COL22A1: variants seen among roughly 807,000 people sequenced by gnomAD.
COL22A1 encodes the protein collagen type XXII alpha 1 chain.
COL22A1 carries 221 observed loss-of-function variants against 248.9 expected under a neutral mutation model. The observed-to-expected ratio is 0.89, with a 90% CI of 0.80 to 0.99. The LOEUF (loss-of-function observed/expected upper bound fraction) is 0.99. Ranked by LOEUF, COL22A1 falls within the 50% of genes least tolerant of loss-of-function variation. The pLI is 0.00. For synonymous variants in COL22A1, 891 were observed against 793.4 expected (o/e 1.12, Z -2.07); for missense variants, 2,240 against 2,179.0 (o/e 1.03, Z -0.56).
chr8:138,634,976 C>T (rs747685462), intron 49 of COL22A1, 34 bp downstream of exon 49: 12 of 1,448,650 alleles, frequency 8.3e-6, no homozygotes, highest in Non-Finnish European at 1.2e-5. Context: ...AATGTCAAGG[C>T]CGAAAGAGGA....
At chr8:138,792,276 C>T (rs1454505817) in intron 12 of COL22A1, among the ~76,000 whole-genome samples, 1 of 152,198 alleles carries the variant, frequency 6.6e-6, no homozygotes, top group Non-Finnish European at 1.5e-5. Context: ...GCCACCACCA[C>T]CAATATCCCA....
intron 61 of COL22A1, among the ~76,000 whole-genome samples, chr8:138,597,253 G>C (rs752494359): frequency 6.6e-6 from 1 of 152,078 alleles, no homozygotes; most frequent in Non-Finnish European, 1.5e-5. Context: ...TTTCCTTCCT[G>C]CTGAAGCCAC....
At chr8:138,659,325 T>G (rs986509422) in intron 44 of COL22A1, among the ~76,000 whole-genome samples, 3 of 152,110 alleles carry the variant, frequency 2.0e-5, no homozygotes, top group African/African-American at 7.2e-5. Context: ...AGATAAGGGA[T>G]GGGGGGTCAT....
chr8:138,704,240 C>T (rs1828216534), intron 30 of COL22A1, among the ~76,000 whole-genome samples: 1 of 152,226 alleles, frequency 6.6e-6, no homozygotes, highest in African/African-American at 2.4e-5. Flanking sequence ...CTTCTGAAGA[C>T]TTAAATGTCC....
intron 29 of COL22A1, among the ~76,000 whole-genome samples, chr8:138,715,988 G>A (rs1292028218): frequency 1.3e-5 from 2 of 152,136 alleles, no homozygotes; most frequent in Non-Finnish European, 2.9e-5. Flanking sequence ...AGCCCCATCT[G>A]CCTCCTCTGA....
intron 4 of COL22A1, among the ~76,000 whole-genome samples, chr8:138,843,165 G>A (rs1376518323): frequency 6.6e-6 from 1 of 152,178 alleles, no homozygotes; most frequent in Non-Finnish European, 1.5e-5. Flanking sequence ...AGGCAGAGCA[G>A]CCTTCCACCA....
chr8:138,597,138 CTG>C (rs1817610060), intron 61 of COL22A1, among the ~76,000 whole-genome samples, 168 bp from the exon 62 acceptor site: 1 of 152,194 alleles, frequency 6.6e-6, no homozygotes, highest in African/African-American at 2.4e-5. Flanking sequence ...CCTCTCTTCT[CTG>C]TTATGCAGGC....
At chr8:138,839,396 G>A (rs1338954033) in intron 4 of COL22A1, among the ~76,000 whole-genome samples, 6 of 152,132 alleles carry the variant, frequency 3.9e-5, no homozygotes, top group Non-Finnish European at 7.3e-5. Context: ...TCTTTCTTCA[G>A]GCAATGAGGA....
chr8:138,771,072 G>A (rs557067328), intron 16 of COL22A1, among the ~76,000 whole-genome samples: 1 of 152,218 alleles, frequency 6.6e-6, no homozygotes, highest in African/African-American at 2.4e-5. Context: ...TGCTCGCAGA[G>A]CCCCGAGCTG....
rs146949041 is a variant in COL22A1, at chr8:138,831,203, A to G, written c.845+1836T>C. On this transcript the variant is annotated intron_variant, in intron 5 of 64. Transcript: ENST00000303045. The stretch of plus-strand genomic sequence containing the variant: ...TGTTCATTGAATTAAAAAAACAAAA[A>G]GGATCACACACATGCAGAAACCCCT... 8.5e-5 allele frequency among the ~76,000 whole-genome samples: 13 copies of G among 152,256 alleles called. No homozygotes were observed. In the East Asian group the frequency reaches 2.5e-3, roughly 29 times the overall value.
At chr8:138,681,850 C>A (rs1175010572) in intron 39 of COL22A1, among the ~76,000 whole-genome samples, 2 of 152,074 alleles carry the variant, frequency 1.3e-5, no homozygotes, top group Non-Finnish European at 2.9e-5. Flanking sequence ...AAACATTTTC[C>A]CTTTTGAAAA....
intron 1 of COL22A1, among the ~76,000 whole-genome samples, chr8:138,904,865 T>C (rs1157971494): frequency 6.6e-6 from 1 of 152,160 alleles, no homozygotes; most frequent in Non-Finnish European, 1.5e-5. Context: ...CGCCTCCCCT[T>C]TGAGATGTGA....
chr8:138,595,010 G>A lies in COL22A1; in HGVS notation c.4433-811C>T, dbSNP rs113096216. On this transcript the variant is annotated intron_variant, in intron 62 of 64. Transcript: ENST00000303045. ...TGGGACAGGGGATATATGCACATCT[G>A]GTGGCCACCAAGGGCAGTCTTTGTT... 9.7e-4 allele frequency among the ~76,000 whole-genome samples: 147 copies of A among 152,248 alleles called. 2 individuals carry two copies. The highest frequency in any genetic ancestry group is 3.4e-3 in the African/African-American group (140 of 41,544).
chr8:138,852,544 G>A (rs1021817985), intron 3 of COL22A1, among the ~76,000 whole-genome samples: 21 of 152,116 alleles, frequency 1.4e-4, no homozygotes, highest in Non-Finnish European at 2.6e-4. Context: ...CAGATTTCAA[G>A]GCTTGGGGCC....
At chr8:138,607,797 C>T in intron 57 of COL22A1, 139 bp downstream of exon 57, 3 of 723,664 alleles carry the variant, frequency 4.1e-6, no homozygotes, top group Non-Finnish European at 6.7e-6. Context: ...CCTCTTACCT[C>T]CAACCTATTT....
intron 3 of COL22A1, among the ~76,000 whole-genome samples, chr8:138,869,791 T>C (rs182885348): frequency 1.3e-5 from 2 of 152,324 alleles, no homozygotes; most frequent in African/African-American, 4.8e-5. Context: ...TGGTCCCAAG[T>C]GCCAGGCCAC....
At chr8:138,716,205 G>A (rs1453019383) in intron 29 of COL22A1, 22 bp downstream of exon 29, 7 of 1,563,318 alleles carry the variant, frequency 4.5e-6, no homozygotes, top group Non-Finnish European at 6.1e-6. Context: ...CTGTGTGGGA[G>A]GAAGGAAGCT....
At chr8:138,592,370 A>C (rs1234167545) in intron 63 of COL22A1, among the ~76,000 whole-genome samples, 1 of 152,104 alleles carries the variant, frequency 6.6e-6, no homozygotes, top group East Asian at 1.9e-4. Context: ...TTGTAACCCC[A>C]ATTGAAATTC....
chr8:138,683,394 A>G (rs1047426887), intron 39 of COL22A1, among the ~76,000 whole-genome samples: 1 of 152,204 alleles, frequency 6.6e-6, no homozygotes, highest in Non-Finnish European at 1.5e-5. Context: ...TCCTAAGAAC[A>G]CTTCCCCATG....
Sources: allele counts gnomAD v4.1 joint callset (sites outside exome capture counted in the v4.1 genomes callset), GRCh38; gene constraint gnomAD v4.1.1; transcripts MANE v1.5; gene names NCBI Gene and HGNC (gene_info 2026-07-23, HGNC 2026-07-21).